Variants in AGMO observed in about 807,000 individuals in gnomAD.
AGMO encodes glyceryl-ether monooxygenase.
In AGMO, 75 loss-of-function variants were observed where a neutral mutation model predicts 60.2. That is an observed-to-expected ratio of 1.25 (90% confidence interval 1.03 to 1.51). The LOEUF is 1.51. AGMO is among the 40% of genes most tolerant of loss of function. AGMO has a pLI of 0.00. For synonymous variants in AGMO, 261 were observed against 177.1 expected, an observed-to-expected ratio of 1.47 and a Z score of -3.76; for missense variants, 763 against 525.5, an observed-to-expected ratio of 1.45 and a Z score of -4.42.
chr7:15,532,149 G>A (rs894118351), intron 3 of AGMO, among the ~76,000 whole-genome samples: 1 of 152,152 alleles, frequency 6.6e-6, no homozygotes, highest in Non-Finnish European at 1.5e-5. Context: ...TTCAGTAAAT[G>A]TTTTGAAAAC....
the AGMO span, among the ~76,000 whole-genome samples, chr7:15,176,796 T>A: frequency 1.3e-5 from 2 of 151,972 alleles, no homozygotes; most frequent in Admixed American, 1.3e-4. Context: ...TAAAACTGAA[T>A]ATTTGTAACA....
chr7:15,362,815 T>G (rs1209149234), intron 12 of AGMO, among the ~76,000 whole-genome samples: 1 of 152,222 alleles, frequency 6.6e-6, no homozygotes, highest in Non-Finnish European at 1.5e-5. Context: ...TTACTATAGC[T>G]CTTTACATTT....
At chr7:15,365,719 A>AG in intron 11 of AGMO, 100 bp from the exon 12 acceptor site, 3 of 780,552 alleles carry the variant, frequency 3.8e-6, no homozygotes, top group Non-Finnish European at 4.1e-6. Context: ...AGAAATACCT[A>AG]GTATTTTAAT....
chr7:15,418,514 G>C (rs747547780), intron 5 of AGMO, 44 bp downstream of exon 5: 3 of 1,225,466 alleles, frequency 2.4e-6, no homozygotes, highest in Non-Finnish European at 3.5e-6. Context: ...CATTGCTTCA[G>C]GCTGTTTAGG....
the AGMO span, among the ~76,000 whole-genome samples, chr7:15,163,553 C>T: frequency 6.6e-6 from 1 of 152,084 alleles, no homozygotes. Flanking sequence ...TTATAGAATG[C>T]TTTTTCTGCG....
At chr7:15,292,455 A>C (rs1303261278) in intron 12 of AGMO, among the ~76,000 whole-genome samples, 1 of 152,168 alleles carries the variant, frequency 6.6e-6, no homozygotes, top group African/African-American at 2.4e-5. Flanking sequence ...AGAGATTCTT[A>C]CTGGAGGAAC....
At position 15,374,991 on chromosome 7, in the gene AGMO, A is replaced by T. The variant is rs186295019; in HGVS notation, c.1075-8769T>A. On this transcript the variant is annotated intron_variant, in intron 10 of 12. Coordinates refer to ENST00000342526, the MANE Select transcript of AGMO (RefSeq NM_001004320.2). ...AATGCCCAGTATGTGTGTAATGCAT[A>T]CTCCTACCAGACAGACTGGAAAATC... Among the ~76,000 whole-genome samples, 381 of 152,040 alleles carry T rather than the reference A, an allele frequency of 2.5e-3. 6 individuals carry two copies. The highest frequency in any genetic ancestry group is 8.5e-3 in the African/African-American group (351 of 41,344).
chr7:15,277,299 T>C (rs1783826187), intron 12 of AGMO, among the ~76,000 whole-genome samples: 1 of 148,748 alleles, frequency 6.7e-6, no homozygotes, highest in Admixed American at 6.9e-5. Flanking sequence ...AGCAAGACTC[T>C]GTCTCAAAAA....
chr7:15,131,757 A>ACACAC, the AGMO span, among the ~76,000 whole-genome samples: 1 of 146,256 alleles, frequency 6.8e-6, no homozygotes, highest in Non-Finnish European at 1.5e-5. Flanking sequence ...CAAAGAAATT[A>ACACAC]ACACACACAC....
At chr7:15,329,649 CTA>C (rs1387930056) in intron 12 of AGMO, among the ~76,000 whole-genome samples, 5 of 152,120 alleles carry the variant, frequency 3.3e-5, no homozygotes, top group Admixed American at 1.3e-4. Context: ...TTAATTACAC[CTA>C]TGTTATTCTT....
chr7:15,466,650 A>G (rs933846552), intron 3 of AGMO, among the ~76,000 whole-genome samples: 4 of 152,188 alleles, frequency 2.6e-5, no homozygotes, highest in African/African-American at 9.6e-5. Flanking sequence ...GCTGGGTGAC[A>G]TTGAATTCTC....
chr7:15,212,134 T>G (rs969094562), intron 12 of AGMO, among the ~76,000 whole-genome samples: 1 of 151,958 alleles, frequency 6.6e-6, no homozygotes, highest in African/African-American at 2.4e-5. Context: ...CAGTCCAGAC[T>G]CAATGTAGGA....
At chr7:15,372,754 T>C (rs1160608219) in intron 10 of AGMO, among the ~76,000 whole-genome samples, 2 of 152,220 alleles carry the variant, frequency 1.3e-5, no homozygotes, top group South Asian at 2.1e-4. Flanking sequence ...ATTTTATTTT[T>C]TCATTTAATT....
intron 10 of AGMO, among the ~76,000 whole-genome samples, chr7:15,366,958 T>C (rs1388343974): frequency 6.6e-6 from 1 of 152,058 alleles, no homozygotes; most frequent in Non-Finnish European, 1.5e-5. Flanking sequence ...CAAATATGCT[T>C]TGTGCTCCAG....
intron 12 of AGMO, among the ~76,000 whole-genome samples, chr7:15,254,484 T>G (rs1783040550): frequency 6.6e-6 from 1 of 152,152 alleles, no homozygotes; most frequent in Non-Finnish European, 1.5e-5. Context: ...TCCTTGATGG[T>G]TAGTAATGTT....
At chr7:15,218,451 G>A (rs1781813777) in intron 12 of AGMO, among the ~76,000 whole-genome samples, 1 of 151,184 alleles carries the variant, frequency 6.6e-6, no homozygotes, top group African/African-American at 2.4e-5. Context: ...AGTTCTTTTA[G>A]TGGTTAGTTC....
intron 12 of AGMO, among the ~76,000 whole-genome samples, chr7:15,278,080 A>C (rs957496352): frequency 6.6e-6 from 1 of 151,932 alleles, no homozygotes; most frequent in African/African-American, 2.4e-5. Context: ...ACTATAGTCT[A>C]CCTCCAGGCC....
intron 3 of AGMO, among the ~76,000 whole-genome samples, chr7:15,474,924 C>T (rs1380167464): frequency 6.6e-6 from 1 of 151,830 alleles, no homozygotes; most frequent in African/African-American, 2.4e-5. Flanking sequence ...ATTTATGTGG[C>T]CGACAAACAT....
At chr7:15,463,111 G>A (rs1217591377) in intron 3 of AGMO, among the ~76,000 whole-genome samples, 3 of 152,132 alleles carry the variant, frequency 2.0e-5, no homozygotes, top group Non-Finnish European at 4.4e-5. Flanking sequence ...GAATTACTGA[G>A]TAAAATTTTG....
Sources: allele counts gnomAD v4.1 joint callset (sites outside exome capture counted in the v4.1 genomes callset), GRCh38; gene constraint gnomAD v4.1.1; transcripts MANE v1.5; gene names NCBI Gene and HGNC (gene_info 2026-07-23, HGNC 2026-07-21).